Variants in CDK10 observed in about 807,000 individuals in gnomAD.
CDK10 encodes cyclin-dependent kinase 10.
A neutral mutation model predicts 51.0 loss-of-function variants in CDK10; 55 were observed. The ratio of observed to expected loss-of-function variants is 1.08; its 90% CI spans 0.87 to 1.35. The LOEUF is 1.35. Ranked by LOEUF, CDK10 falls within the 40% of genes most tolerant of loss-of-function variation. CDK10 has a pLI of 0.00. For synonymous variants in CDK10, 255 were observed against 199.1 expected, an observed-to-expected ratio of 1.28 and a Z score of -2.36; for missense variants, 589 against 485.1, an observed-to-expected ratio of 1.21 and a Z score of -2.01.
Position 89,695,975 on chromosome 16 carries a change from T to C in CDK10, c.*283T>C, listed in dbSNP as rs1383607224. On this transcript the variant is annotated 3_prime_UTR_variant, in exon 13 of 13. Coordinates refer to ENST00000353379, the MANE Select transcript of CDK10 (RefSeq NM_052988.5). ...GGGTCTCATGTGGTCCTCCTCGCTA[T>C]GTTGGAAATGTGCAACCACTGCTTC... 3.2e-6 allele frequency: 2 copies of C among 616,186 alleles called. No homozygotes were observed. The highest frequency in any genetic ancestry group is 2.7e-5 in the Admixed American group (1 of 36,526). The allele number at this position is 616,186 out of a possible 1,614,324, so 38.2% of individuals were successfully genotyped here.
chr16:89,692,735 T>G (rs980312881), intron 6 of CDK10: 1 of 402,010 alleles, frequency 2.5e-6, no homozygotes, highest in Non-Finnish European at 4.4e-6. Context: ...CACCTTGGCC[T>G]CCCAAAGTGC....
intron 1 of CDK10, chr16:89,687,844 G>A (rs1390889151): frequency 8.6e-6 from 3 of 346,900 alleles, no homozygotes; most frequent in South Asian, 2.2e-5. Context: ...GCGGGAAAGG[G>A]AGTTTGAGAC....
chr16:89,693,354 C>G, intron 7 of CDK10, 28 bp downstream of exon 7: 1 of 1,614,068 alleles, frequency 6.2e-7, no homozygotes, highest in Non-Finnish European at 8.5e-7. Flanking sequence ...CAGGCCCTGT[C>G]CCTAGATGGC....
intron 1 of CDK10, chr16:89,687,575 T>G (rs1353323864): frequency 4.5e-6 from 2 of 449,368 alleles, no homozygotes; most frequent in African/African-American, 4.0e-5. Flanking sequence ...TTTTTTGTTG[T>G]TTTTTTGAGA....
rs370403313 is a variant in CDK10 at position 89,695,053 on chromosome 16, G to C, written c.915G>C (p.Met305Ile). The C allele has an allele frequency of 6.8e-6, 11 of 1,612,898 alleles. No individual in the cohort carries two copies. Among genetic ancestry groups the C allele is most frequent in the Non-Finnish European group, 9.3e-6 (11 of 1,179,980 alleles). ...TGCGCCTGCTGCACTTCCTGTTCAT[G>C]TACGACCCTAAGAAAAGGTGCTGAT... ...AGLRLLHFLF[M>I]YDPKKRATAG... The change falls in exon 11 of 13, where the codon ATG becomes ATC. Residue 305 changes from methionine to isoleucine, a missense_variant. Physicochemically the swap from Met to Ile is conservative, Grantham distance 10 (BLOSUM62 1). Transcript: ENST00000353379.
intron 2 of CDK10, 171 bp from the exon 3 acceptor site, chr16:89,690,382 G>T (rs62068363): frequency 1.9e-5 from 12 of 630,558 alleles, no homozygotes; most frequent in Non-Finnish European, 3.2e-5. Flanking sequence ...CCGGGGGAAC[G>T]CGTCTCGGGC....
At chr16:89,691,417 C>T (rs757830367) in intron 3 of CDK10, 26 bp from the exon 4 acceptor site, 2 of 1,552,842 alleles carry the variant, frequency 1.3e-6, no homozygotes, top group African/African-American at 1.4e-5. Flanking sequence ...TGGGGTGGGG[C>T]TCGCTGAGGC....
At position 89,695,679 on chromosome 16, in the gene CDK10, G is replaced by A. The variant is rs772157816; in HGVS notation, c.1070G>A (p.Arg357His). The change falls in exon 13 of 13, where the codon CGC (arginine) becomes CAC (histidine). Residue 357 changes from arginine (R) to histidine (H), a missense_variant. By Grantham distance (29) the Arg-to-His change is conservative. Coordinates refer to ENST00000353379, the MANE Select transcript of CDK10 (RefSeq NM_052988.5). Reference protein sequence around the residue: ...APATSEGQSKRCKP With the variant: ...APATSEGQSKHCKP ...GCCACCTCCGAGGGCCAGAGCAAGC[G>A]CTGTAAACCCTGACGGTGGGCCTGG... 1.3e-5 allele frequency: 21 copies of A among 1,598,750 alleles called. 1 individual carries two copies. Among genetic ancestry groups the A allele is most frequent in the Middle Eastern group, 1.6e-4 (1 of 6,066 alleles).
chr16:89,689,137 T>G, intron 1 of CDK10, 115 bp from the exon 2 acceptor site: 1 of 918,320 alleles, frequency 1.1e-6, no homozygotes, highest in South Asian at 1.5e-5. Flanking sequence ...GTGGTTGCCT[T>G]TCTGTTTGGT....
At chr16:89,690,248 G>A in intron 2 of CDK10, 1 of 431,808 alleles carries the variant, frequency 2.3e-6, no homozygotes, top group East Asian at 3.9e-5. Context: ...AGAGCACAAA[G>A]CAGTGATCTG....
intron 8 of CDK10, chr16:89,693,785 A>T (rs939400582): frequency 2.0e-5 from 11 of 546,974 alleles, no homozygotes; most frequent in African/African-American, 1.1e-4. Context: ...GGCAGCTTGC[A>T]TGCTTTCCCT....
At position 89,689,282 on chromosome 16, in the gene CDK10, G is replaced by C. The variant is rs1295393303; in HGVS notation, c.118G>C (p.Glu40Gln). ...LGRCRSVKEF[E>Q]KLNRIGEGTY... ...ACGATGCCGGAGTGTGAAGGAGTTTGAGAAGCTGAACCGCATTGGAGAGGG... is the reference window on the plus strand; with the variant it reads ...ACGATGCCGGAGTGTGAAGGAGTTTCAGAAGCTGAACCGCATTGGAGAGGG... The change falls in exon 2 of 13, where the codon GAG becomes CAG. Residue 40 changes from glutamate (E) to glutamine (Q), a missense_variant. Transcript: ENST00000353379. 1.2e-6 allele frequency: 2 copies of C among 1,614,138 alleles called. No individual in the cohort carries two copies. The highest frequency in any genetic ancestry group is 1.7e-6 in the Non-Finnish European group (2 of 1,180,010).
At chr16:89,689,443 CAG>C (rs1463680589) in intron 2 of CDK10, 119 bp downstream of exon 2, 11 of 811,174 alleles carry the variant, frequency 1.4e-5, no homozygotes, top group Middle Eastern at 3.4e-4. Flanking sequence ...TGCTCTGAAA[CAG>C]GGCAGAAACC....
chr16:89,693,506 G>A (rs2060553025), intron 8 of CDK10, 39 bp downstream of exon 8: 1 of 1,597,132 alleles, frequency 6.3e-7, no homozygotes, highest in Non-Finnish European at 8.6e-7. Flanking sequence ...TGGGGACCAG[G>A]CCTGTCTGGT....
chr16:89,694,676 G>A lies in CDK10; in HGVS notation c.680G>A (p.Cys227Tyr), dbSNP rs775614292. The part of the protein sequence containing the change: ...TTSIDMWAVG[C>Y]ILAELLAHRP... ...ACTGTTCTCTGCAGGGCTGTGGGCT[G>A]CATACTGGCCGAGCTGCTGGCGCAC... Residue 227 changes from cysteine to tyrosine, a missense_variant, in exon 10 of 13, where the codon TGC becomes TAC. Cys to Tyr is a radical substitution (Grantham distance 194). Transcript: ENST00000353379. 1 of 1,589,472 alleles carries A rather than the reference G, an allele frequency of 6.3e-7. No individual in the cohort carries two copies. Among genetic ancestry groups the A allele is most frequent in the Non-Finnish European group, 8.6e-7 (1 of 1,169,036 alleles).
At chr16:89,692,694 G>GTC in intron 6 of CDK10, 178 bp downstream of exon 6, 1 of 462,546 alleles carries the variant, frequency 2.2e-6, no homozygotes, top group Non-Finnish European at 3.8e-6. Context: ...GCCCAGGCTG[G>GTC]TCTCACACAC....
chr16:89,692,126 C>G, intron 5 of CDK10: 1 of 568,036 alleles, frequency 1.8e-6, no homozygotes, highest in South Asian at 2.1e-5. Context: ...CTGTTGGGAG[C>G]AGGCAGCCCC....
rs1426468592 is a variant in CDK10 at position 89,690,544 on chromosome 16, C to A, written c.161-9C>A. 6.2e-7 allele frequency: 1 copy of A among 1,613,578 alleles called. No individual in the cohort carries two copies. The highest frequency in any genetic ancestry group is 2.2e-5 in the East Asian group (1 of 44,874). ...AGATGATGTCATCACCAATGTGTTT[C>A]CATTCCAGATCGGGCCCGGGACACC... On this transcript the variant is annotated splice_polypyrimidine_tract_variant and intron_variant, in intron 2 of 12. Transcript: ENST00000353379.
At chr16:89,692,579 T>G in intron 6 of CDK10, 63 bp downstream of exon 6, 1 of 1,261,498 alleles carries the variant, frequency 7.9e-7, no homozygotes, top group Non-Finnish European at 1.1e-6. Context: ...CTGCTGCCCC[T>G]GTGGAGTTAC....
Sources: allele counts gnomAD v4.1 joint callset, GRCh38; gene constraint gnomAD v4.1.1; transcripts MANE v1.5; gene names NCBI Gene and HGNC (gene_info 2026-07-23, HGNC 2026-07-21).